Variants in GAS2 observed in about 807,000 individuals in gnomAD.
The protein encoded by GAS2 is growth arrest-specific protein 2.
GAS2 carries 20 observed loss-of-function variants against 37.5 expected under a neutral mutation model. That is an observed-to-expected ratio of 0.53 (90% CI 0.37 to 0.77). The LOEUF (loss-of-function observed/expected upper bound fraction) is 0.77, where lower values mean the gene tolerates loss of function less well. GAS2 is among the 30% of genes least tolerant of loss of function. The pLI is 0.00. For missense variants in GAS2, 336 were observed against 373.4 expected, an observed-to-expected ratio of 0.90 and a Z score of 0.82; for synonymous variants, 144 against 132.2, an observed-to-expected ratio of 1.09 and a Z score of -0.61.
chr11:22,749,336 G>A (rs916752533), intron 6 of GAS2, 75 bp downstream of exon 6: 17 of 1,339,022 alleles, frequency 1.3e-5, no homozygotes, highest in South Asian at 5.4e-5. Flanking sequence ...GTGCAATCTC[G>A]TATCAGTCTA....
intron 7 of GAS2, among the ~76,000 whole-genome samples, chr11:22,789,906 T>C (rs966647136): frequency 2.0e-5 from 3 of 152,150 alleles, no homozygotes; most frequent in Non-Finnish European, 4.4e-5. Flanking sequence ...TTATAACACA[T>C]TAGCTATGAG....
At chr11:22,711,599 T>C (rs925139274) in intron 3 of GAS2, among the ~76,000 whole-genome samples, 15 of 152,194 alleles carry the variant, frequency 9.9e-5, no homozygotes, top group African/African-American at 3.6e-4. Context: ...GGGACGCTTA[T>C]AGCCTGGGGC....
chr11:22,755,473 T>G (rs1403322169), intron 6 of GAS2, among the ~76,000 whole-genome samples: 2 of 152,122 alleles, frequency 1.3e-5, no homozygotes, highest in Admixed American at 1.3e-4. Flanking sequence ...TTAACATACT[T>G]TCTATTCTGG....
chr11:22,657,263 G>A (rs916477346), intron 1 of GAS2, among the ~76,000 whole-genome samples: 1 of 152,198 alleles, frequency 6.6e-6, no homozygotes, highest in African/African-American at 2.4e-5. Context: ...GCCACACAGG[G>A]GTTGGGCCCT....
chr11:22,734,254 A>G (rs1852628868), intron 4 of GAS2, among the ~76,000 whole-genome samples: 2 of 151,784 alleles, frequency 1.3e-5, no homozygotes. Context: ...AAAAACTGAC[A>G]TATGTCCTAA....
intron 1 of GAS2, among the ~76,000 whole-genome samples, chr11:22,643,406 T>C (rs1848652454): frequency 6.6e-6 from 1 of 151,578 alleles, no homozygotes; most frequent in South Asian, 2.1e-4. Flanking sequence ...GGAAGGGGCT[T>C]CTATGACTTT....
At chr11:22,726,650 A>G (rs180762383) in intron 4 of GAS2, among the ~76,000 whole-genome samples, 4 of 152,258 alleles carry the variant, frequency 2.6e-5, no homozygotes, top group African/African-American at 7.2e-5. Flanking sequence ...CCTCATGGAT[A>G]CAAGAATAGA....
chr11:22,695,671 C>A (rs1850467961), intron 3 of GAS2, among the ~76,000 whole-genome samples: 1 of 152,152 alleles, frequency 6.6e-6, no homozygotes, highest in South Asian at 2.1e-4. Context: ...TATATCACAG[C>A]TATTCAGTGG....
At chr11:22,685,889 A>G (rs575026948) in intron 3 of GAS2, 100 bp downstream of exon 3, 28 of 1,130,814 alleles carry the variant, frequency 2.5e-5, no homozygotes, top group Admixed American at 1.8e-4. Context: ...GAACGGATGC[A>G]TCAAGGTCTA....
chr11:22,673,180 C>A (rs1238021052), intron 1 of GAS2, among the ~76,000 whole-genome samples: 3 of 152,088 alleles, frequency 2.0e-5, no homozygotes, highest in Non-Finnish European at 4.4e-5. Flanking sequence ...TCTATTACTA[C>A]AGCAAAATAT....
chr11:22,636,528 G>C (rs1858823997), intron 1 of GAS2, among the ~76,000 whole-genome samples: 1 of 152,090 alleles, frequency 6.6e-6, no homozygotes, highest in South Asian at 2.1e-4. Flanking sequence ...TGATCATTTT[G>C]AGCCAATCAT....
rs1268861421 is a variant in GAS2 at position 22,775,896 on chromosome 11, T to C, written c.723+19943T>C. On this transcript the variant is annotated intron_variant, in intron 7 of 7. Transcript: ENST00000454584. ...AAAAAATATAGAGCTCTGCCCACAATAAGCCTTTCATAGAGACTAAGACAT... is the reference window on the plus strand; with the variant it reads ...AAAAAATATAGAGCTCTGCCCACAACAAGCCTTTCATAGAGACTAAGACAT... 3.9e-5 allele frequency among the ~76,000 whole-genome samples: 6 copies of C among 152,296 alleles called. 1 individual carries two copies. The South Asian group carries it at 1.0e-3, about 26-fold the overall frequency.
At chr11:22,783,025 T>A (rs754538232) in intron 7 of GAS2, among the ~76,000 whole-genome samples, 3 of 152,180 alleles carry the variant, frequency 2.0e-5, no homozygotes, top group Non-Finnish European at 2.9e-5. Flanking sequence ...ATCTCCAAAC[T>A]GGTCTTTACA....
intron 7 of GAS2, among the ~76,000 whole-genome samples, chr11:22,792,026 G>A (rs145194206): frequency 7.5e-4 from 114 of 152,320 alleles, no homozygotes; most frequent in African/African-American, 2.6e-3. Flanking sequence ...ATATGGATAT[G>A]CAGGTAAGAT....
chr11:22,697,970 T>G (rs528207418), intron 3 of GAS2, among the ~76,000 whole-genome samples: 2 of 151,974 alleles, frequency 1.3e-5, no homozygotes, highest in Non-Finnish European at 2.9e-5. Flanking sequence ...GGCCAGAACT[T>G]CCAACACTGT....
In GAS2 at chr11:22,755,836, T is replaced by C. The variant is rs1279741626; in HGVS notation, c.616-10T>C. ...TAAGACAAATGAATGTGCCTGCTCT[T>C]CTATTTCAGGTGAAACGAATTTCTG... On this transcript the variant is annotated splice_polypyrimidine_tract_variant and intron_variant, in intron 6 of 7. Transcript: ENST00000454584. The C allele has an allele frequency of 6.2e-7, 1 of 1,603,824 alleles. No individual in the cohort carries two copies. The highest frequency in any genetic ancestry group is 1.3e-5 in the African/African-American group (1 of 74,696).
intron 5 of GAS2, among the ~76,000 whole-genome samples, chr11:22,744,776 C>A (rs557268432): frequency 6.2e-4 from 95 of 152,190 alleles, no homozygotes; most frequent in African/African-American, 2.0e-3. Flanking sequence ...TCTCTTCACT[C>A]CTATTCAACG....
At chr11:22,784,947 G>C (rs1156972960) in intron 7 of GAS2, among the ~76,000 whole-genome samples, 2 of 152,132 alleles carry the variant, frequency 1.3e-5, no homozygotes, top group African/African-American at 4.8e-5. Flanking sequence ...GAAGGTTCCA[G>C]TAAACCTGAC....
chr11:22,760,165 G>C (rs1466870530), intron 7 of GAS2, among the ~76,000 whole-genome samples: 1 of 149,272 alleles, frequency 6.7e-6, no homozygotes, highest in Non-Finnish European at 1.5e-5. Context: ...ATTTTAAGTA[G>C]AGACAGGAAT....
Sources: allele counts gnomAD v4.1 joint callset (sites outside exome capture counted in the v4.1 genomes callset), GRCh38; gene constraint gnomAD v4.1.1; transcripts MANE v1.5; gene names NCBI Gene and HGNC (gene_info 2026-07-23, HGNC 2026-07-21).